Variants in KDM5B observed in about 807,000 individuals in gnomAD.
KDM5B encodes lysine demethylase 5B.
KDM5B carries 144 observed loss-of-function variants against 193.4 expected under a neutral mutation model. The observed-to-expected ratio is 0.74, with a 90% CI of 0.65 to 0.86. KDM5B has a LOEUF of 0.86. Among genes scored for constraint, KDM5B ranks in the 40% least tolerant of loss-of-function variants. The pLI, the probability that KDM5B is intolerant of heterozygous loss-of-function variation, is 0.00. For synonymous variants in KDM5B, 668 were observed against 682.6 expected, an observed-to-expected ratio of 0.98 and a Z score of 0.33; for missense variants, 1,833 against 1,886.9, an observed-to-expected ratio of 0.97 and a Z score of 0.53.
At chr1:202,743,127 A>C (rs898956978) in intron 16 of KDM5B, among the ~76,000 whole-genome samples, 1 of 152,186 alleles carries the variant, frequency 6.6e-6, no homozygotes, top group Non-Finnish European at 1.5e-5. Flanking sequence ...ACTTGAGGCC[A>C]GGAGTTTAAC....
Position 202,728,947 on chromosome 1 carries a change from C to G in KDM5B, c.*89G>C. On this transcript the variant is annotated 3_prime_UTR_variant, in exon 27 of 27. Transcript: ENST00000367265. ...ACCGTTTACAGGCTGGCTTGAGTACCAGTCCTGTAGCTTTGCTGAGATTTG... is the reference window on the plus strand; with the variant it reads ...ACCGTTTACAGGCTGGCTTGAGTACGAGTCCTGTAGCTTTGCTGAGATTTG... 9 of 1,491,868 alleles carry G rather than the reference C, an allele frequency of 6.0e-6. No individual in the cohort carries two copies. The highest frequency in any genetic ancestry group is 8.4e-6 in the Non-Finnish European group (9 of 1,076,714). The allele number at this position is 1,491,868 out of a possible 1,614,324, so 92.4% of individuals were successfully genotyped here. A position where few individuals can be genotyped will look rare whatever the true frequency, so the allele number is the denominator to read the frequency against.
At chr1:202,804,824 A>C (rs1487038567) in intron 1 of KDM5B, among the ~76,000 whole-genome samples, 1 of 149,390 alleles carries the variant, frequency 6.7e-6, no homozygotes, top group Non-Finnish European at 1.5e-5. Flanking sequence ...GTGATGAGCC[A>C]CTGCACTCCA....
At position 202,733,987 on chromosome 1, in the gene KDM5B, C is replaced by T; in HGVS notation, c.3424-101G>A. On this transcript the variant is annotated intron_variant, in intron 22 of 26. Transcript: ENST00000367265. ...TAAGAGCATGGGATCCTGAGTAGATCATCTGTATTCAAATCCTGACTGCCT... is the reference window on the plus strand; with the variant it reads ...TAAGAGCATGGGATCCTGAGTAGATTATCTGTATTCAAATCCTGACTGCCT... The T allele has an allele frequency of 3.6e-6, 5 of 1,370,564 alleles. 1 individual carries two copies. The South Asian group carries it at 7.0e-5, about 19-fold the overall frequency. The allele number at this position is 1,370,564 out of a possible 1,614,324, so 84.9% of individuals were successfully genotyped here.
intron 2 of KDM5B, among the ~76,000 whole-genome samples, chr1:202,775,871 A>AAAT (rs1332531119): frequency 3.1e-5 from 4 of 128,178 alleles, no homozygotes; most frequent in African/African-American, 1.1e-4. Context: ...AAAAAAAAAA[A>AAAT]AAAAAAAAAT....
At chr1:202,746,482 C>T in intron 14 of KDM5B, 159 bp from the exon 15 acceptor site, 2 of 528,968 alleles carry the variant, frequency 3.8e-6, no homozygotes, top group Non-Finnish European at 6.6e-6. Context: ...AAACAAATGA[C>T]CTAGCAAATA....
At chr1:202,733,295 T>C (rs1654960521) in intron 23 of KDM5B, 106 bp downstream of exon 23, 1 of 1,307,644 alleles carries the variant, frequency 7.6e-7, no homozygotes, top group Non-Finnish European at 1.1e-6. Context: ...CTGTTAACAG[T>C]AAAGTGATCA....
intron 12 of KDM5B, among the ~76,000 whole-genome samples, chr1:202,752,040 G>A (rs891506869): frequency 4.6e-5 from 7 of 152,132 alleles, no homozygotes; most frequent in African/African-American, 1.4e-4. Flanking sequence ...ACTAGCCTAT[G>A]AACCCAAAAG....
intron 2 of KDM5B, among the ~76,000 whole-genome samples, chr1:202,775,610 C>T (rs1431274768): frequency 6.6e-6 from 1 of 151,064 alleles, no homozygotes; most frequent in Non-Finnish European, 1.5e-5. Context: ...AATCCCAGCA[C>T]TTTGGGAGGC....
chr1:202,732,022 A>C, intron 23 of KDM5B, 83 bp from the exon 24 acceptor site: 2 of 744,692 alleles, frequency 2.7e-6, no homozygotes, highest in Non-Finnish European at 4.2e-6. Context: ...AGCTTGCATT[A>C]CCCAGGCAGG....
At chr1:202,762,877 A>G in intron 6 of KDM5B, 69 bp from the exon 7 acceptor site, 1 of 804,884 alleles carries the variant, frequency 1.2e-6, no homozygotes, top group Non-Finnish European at 2.2e-6. Flanking sequence ...CTCCCTCCCA[A>G]AGCACATACT....
At chr1:202,730,685 G>A (rs1210989994) in intron 25 of KDM5B, among the ~76,000 whole-genome samples, 1 of 152,156 alleles carries the variant, frequency 6.6e-6, no homozygotes. Flanking sequence ...TGATGGGTCA[G>A]TTAGTTCACT....
rs1484385778 is a variant in KDM5B, at chr1:202,745,998, C to T, written c.2199-16G>A. 1.2e-6 allele frequency: 2 copies of T among 1,613,622 alleles called. No individual in the cohort carries two copies. The highest frequency in any genetic ancestry group is 1.1e-5 in the South Asian group (1 of 91,058). On this transcript the variant is annotated splice_polypyrimidine_tract_variant and intron_variant, in intron 15 of 26. Coordinates refer to ENST00000367265, the MANE Select transcript of KDM5B (RefSeq NM_006618.5). ...GTACCTATACCTGGAAATAATACCA[C>T]CACACTTAGCTTTGAGACGTGTAGC...
chr1:202,738,901 TA>T (rs1160847905), intron 20 of KDM5B, among the ~76,000 whole-genome samples: 2 of 152,220 alleles, frequency 1.3e-5, no homozygotes, highest in Non-Finnish European at 2.9e-5. Flanking sequence ...TACAGGTCAA[TA>T]AGTATAACAT....
At chr1:202,777,200 T>C in intron 1 of KDM5B, 106 bp from the exon 2 acceptor site, 1 of 820,968 alleles carries the variant, frequency 1.2e-6, no homozygotes, top group South Asian at 1.5e-5. Flanking sequence ...TTCTAACCAA[T>C]CAAACAAAAT....
At chr1:202,730,228 C>T (rs1654832530) in intron 25 of KDM5B, among the ~76,000 whole-genome samples, 1 of 152,180 alleles carries the variant, frequency 6.6e-6, no homozygotes, top group African/African-American at 2.4e-5. Flanking sequence ...TCCCCTATCA[C>T]TGTTAATGCT....
intron 24 of KDM5B, 81 bp downstream of exon 24, chr1:202,731,747 C>T (rs571147404): frequency 3.8e-6 from 4 of 1,056,746 alleles, no homozygotes; most frequent in African/African-American, 3.1e-5. Flanking sequence ...TTTTATGGTA[C>T]TTGATCATCT....
chr1:202,774,738 A>G lies in KDM5B; in HGVS notation c.283-3T>C, dbSNP rs373182207. 1.8e-5 allele frequency: 29 copies of G among 1,612,004 alleles called. No individual in the cohort carries two copies. The African/African-American group carries it at 2.8e-4, about 16-fold the overall frequency. On this transcript the variant is annotated splice_polypyrimidine_tract_variant and splice_region_variant and intron_variant, in intron 2 of 26. Coordinates refer to ENST00000367265, the MANE Select transcript of KDM5B (RefSeq NM_006618.5). ...TTCAATTTTACACGAGTTTGGGCCT[A>G]AAAGACAAAGAATTGAGTTTTCATC...
At chr1:202,751,469 G>A (rs1233899046) in intron 12 of KDM5B, among the ~76,000 whole-genome samples, 1 of 152,166 alleles carries the variant, frequency 6.6e-6, no homozygotes, top group Non-Finnish European at 1.5e-5. Context: ...AGCCATCTGT[G>A]TAGTAATACG....
chr1:202,765,600 A>T (rs1340580260), intron 5 of KDM5B, among the ~76,000 whole-genome samples: 2 of 152,212 alleles, frequency 1.3e-5, no homozygotes, highest in Non-Finnish European at 2.9e-5. Flanking sequence ...TTTACTTTAA[A>T]CATGCTTATG....
Sources: gnomAD v4.1 joint callset for allele counts (sites outside exome capture counted in the v4.1 genomes callset) on GRCh38, gnomAD v4.1.1 for gene constraint, MANE v1.5 for transcripts, NCBI Gene and HGNC (gene_info 2026-07-23, HGNC 2026-07-21) for gene names.